The following DLGAP1 variants were observed in gnomAD, a reference collection of about 807,000 sequenced individuals.
The protein encoded by DLGAP1 is disks large-associated protein 1.
In DLGAP1, 11 loss-of-function variants were observed where a neutral mutation model predicts 90.8. The ratio of observed to expected loss-of-function variants is 0.12; its 90% CI spans 0.08 to 0.20. The LOEUF is 0.20. Ranked by LOEUF, DLGAP1 falls within the 10% of genes least tolerant of loss-of-function variation. The probability of loss-of-function intolerance (pLI) is 1.00; values close to 1 mark genes in which losing one functional copy is unlikely to be tolerated. For synonymous variants in DLGAP1, 558 were observed against 540.7 expected (o/e 1.03, Z -0.44); for missense variants, 1,050 against 1,333.8 (o/e 0.79, Z 3.31).
intron 7 of DLGAP1, among the ~76,000 whole-genome samples, chr18:3,640,718 C>A (rs1000432771): frequency 2.0e-5 from 3 of 152,238 alleles, no homozygotes; most frequent in African/African-American, 7.2e-5. Flanking sequence ...AGCAACCCGG[C>A]AGTTTCCTGT....
intron 3 of DLGAP1, among the ~76,000 whole-genome samples, chr18:3,990,829 A>G (rs1817184525): frequency 6.6e-6 from 1 of 152,002 alleles, no homozygotes; most frequent in Admixed American, 6.5e-5. Flanking sequence ...CAACAGAGTG[A>G]ATAAAGAGGC....
intron 3 of DLGAP1, among the ~76,000 whole-genome samples, chr18:3,910,468 C>CGGAAA (rs1373000324): frequency 5.8e-4 from 88 of 152,250 alleles, no homozygotes; most frequent in African/African-American, 2.1e-3. Context: ...CCAAAATTTT[C>CGGAAA]ATCCATTAAA....
intron 9 of DLGAP1, among the ~76,000 whole-genome samples, chr18:3,567,226 G>A (rs1038930916): frequency 2.6e-5 from 4 of 152,050 alleles, no homozygotes; most frequent in Admixed American, 6.6e-5. Context: ...CAGAGGTATA[G>A]TTTGGCAACC....
chr18:3,900,793 C>T (rs751743172), intron 3 of DLGAP1, among the ~76,000 whole-genome samples: 24 of 152,082 alleles, frequency 1.6e-4, no homozygotes, highest in Admixed American at 3.3e-4. Context: ...AACAGAATCC[C>T]GCCTTTGGAT....
chr18:3,556,909 A>G (rs2053783431), intron 9 of DLGAP1, among the ~76,000 whole-genome samples: 1 of 152,206 alleles, frequency 6.6e-6, no homozygotes, highest in African/African-American at 2.4e-5. Context: ...CATGTCTGAT[A>G]TTATAAGAGT....
chr18:4,016,571 A>G (rs986973854), intron 2 of DLGAP1, among the ~76,000 whole-genome samples: 5 of 152,234 alleles, frequency 3.3e-5, no homozygotes, highest in Non-Finnish European at 7.3e-5. Context: ...TCTTTGGAAT[A>G]CTTTTCTTCT....
chr18:4,393,611 A>G (rs7239584), intron 1 of DLGAP1, among the ~76,000 whole-genome samples: 31,094 of 152,074 alleles, frequency 0.2, 5,182 homozygotes, highest in African/African-American at 0.46. Flanking sequence ...TGAAATTTTC[A>G]TTTGTATTTG....
intron 10 of DLGAP1, among the ~76,000 whole-genome samples, chr18:3,523,348 G>T (rs1002152750): frequency 2.6e-5 from 4 of 151,194 alleles, no homozygotes; most frequent in Middle Eastern, 3.4e-3. Flanking sequence ...CCGCACTCCA[G>T]CCTGGGCAAC....
chr18:3,809,197 G>A (rs1194618276), intron 5 of DLGAP1, among the ~76,000 whole-genome samples: 1 of 152,086 alleles, frequency 6.6e-6, no homozygotes, highest in Non-Finnish European at 1.5e-5. Context: ...ATCAATGCTG[G>A]GATTGGCTAA....
intron 5 of DLGAP1, among the ~76,000 whole-genome samples, chr18:3,794,548 G>A (rs1185456258): frequency 6.6e-6 from 1 of 152,234 alleles, no homozygotes; most frequent in Non-Finnish European, 1.5e-5. Context: ...CCATGGGGCT[G>A]AAGGTGGAAG....
At chr18:4,265,907 T>C (rs867986730) in intron 1 of DLGAP1, among the ~76,000 whole-genome samples, 13 of 151,632 alleles carry the variant, frequency 8.6e-5, no homozygotes, top group Non-Finnish European at 1.8e-4. Flanking sequence ...AGGCTGGTCT[T>C]GAACTCCTTG....
At chr18:4,253,663 T>A (rs564022012) in intron 1 of DLGAP1, among the ~76,000 whole-genome samples, 255 of 152,250 alleles carry the variant, frequency 1.7e-3, no homozygotes, top group African/African-American at 5.9e-3. Context: ...ACCTGCCTCA[T>A]CCTCCCAAAG....
intron 1 of DLGAP1, among the ~76,000 whole-genome samples, chr18:4,358,092 G>A (rs1235077458): frequency 6.6e-6 from 1 of 152,192 alleles, no homozygotes; most frequent in Admixed American, 6.5e-5. Context: ...AGGCCTACTG[G>A]AAGAAGTCCC....
intron 2 of DLGAP1, among the ~76,000 whole-genome samples, chr18:4,026,562 T>C (rs1250340395): frequency 3.3e-5 from 5 of 152,192 alleles, no homozygotes; most frequent in Non-Finnish European, 7.3e-5. Context: ...TTTCTTTCTA[T>C]AGCACTATCT....
At chr18:4,395,743 T>C (rs2082426773) in intron 1 of DLGAP1, among the ~76,000 whole-genome samples, 1 of 152,194 alleles carries the variant, frequency 6.6e-6, no homozygotes, top group African/African-American at 2.4e-5. Context: ...CATTAAATAA[T>C]AAAACTCCTA....
At position 4,048,633 on chromosome 18, in the gene DLGAP1, C is replaced by T. The variant is rs2075089818; in HGVS notation, c.-158-43432G>A. Among the ~76,000 whole-genome samples the T allele has an allele frequency of 3.9e-5, 6 of 152,278 alleles. No individual in the cohort carries two copies. In the South Asian group the frequency reaches 1.2e-3, roughly 32 times the overall value. ...AGAGAATCTGAAAACTGTGACCTGA[C>T]CAACTTGTGCCTGCACTAGATCAAT... On this transcript the variant is annotated intron_variant, in intron 2 of 12. Transcript: ENST00000315677.
chr18:3,747,171 A>T (rs1410523618), intron 5 of DLGAP1, among the ~76,000 whole-genome samples: 1 of 152,188 alleles, frequency 6.6e-6, no homozygotes, highest in African/African-American at 2.4e-5. Context: ...CTACATAGTG[A>T]GGCCCTGTCT....
At chr18:3,700,621 G>GT (rs999759721) in intron 7 of DLGAP1, among the ~76,000 whole-genome samples, 4 of 152,004 alleles carry the variant, frequency 2.6e-5, no homozygotes, top group Non-Finnish European at 5.9e-5. Context: ...AATTTTAATT[G>GT]TTTTTTGAGA....
chr18:4,295,771 A>T lies in DLGAP1; in HGVS notation c.-266-144484T>A, dbSNP rs74470605. ...CTGTTTATAAAACCAAATAAAAGTA[A>T]GTAAAGTGCTTAGCAGAGTGTGTAA... On this transcript the variant is annotated intron_variant, in intron 1 of 12. Transcript: ENST00000315677. Among the ~76,000 whole-genome samples, 447 of 152,358 alleles carry T rather than the reference A, an allele frequency of 2.9e-3. 2 individuals carry two copies. Among genetic ancestry groups the T allele is most frequent in the African/African-American group, 0.01 (433 of 41,584 alleles).
Sources: gnomAD v4.1 joint callset for allele counts (sites outside exome capture counted in the v4.1 genomes callset) on GRCh38, gnomAD v4.1.1 for gene constraint, MANE v1.5 for transcripts, NCBI Gene and HGNC (gene_info 2026-07-23, HGNC 2026-07-21) for gene names.